CRB1: variants seen among roughly 807,000 people sequenced by gnomAD.
CRB1 encodes protein crumbs homolog 1.
A neutral mutation model predicts 120.0 loss-of-function variants in CRB1; 83 were observed. The observed-to-expected ratio is 0.69, with a 90% CI of 0.58 to 0.83. The LOEUF is 0.83. CRB1 is among the 40% of genes least tolerant of loss of function. CRB1 has a pLI of 0.00. For missense variants in CRB1, 1,699 were observed against 1,687.6 expected (o/e 1.01, Z -0.12); for synonymous variants, 625 against 612.5 (o/e 1.02, Z -0.30).
intron 11 of CRB1, among the ~76,000 whole-genome samples, chr1:197,475,014 G>A (rs573801984): frequency 5.4e-4 from 82 of 152,172 alleles, no homozygotes; most frequent in African/African-American, 1.9e-3. Context: ...CAAAAGCATG[G>A]CCACACAGTA....
chr1:197,460,001 C>CTTTTTTTTTTTTTTTTTTT (rs10679172), intron 11 of CRB1, among the ~76,000 whole-genome samples: 3 of 75,612 alleles, frequency 4.0e-5, no homozygotes, highest in Non-Finnish European at 5.0e-5. Flanking sequence ...AAGCCCCCCT[C>CTTTTTTTTTTTTTTTTTTT]TTTTTTTTTT....
the CRB1 span, among the ~76,000 whole-genome samples, chr1:197,229,513 T>G: frequency 6.6e-6 from 1 of 152,164 alleles, no homozygotes; most frequent in Admixed American, 6.5e-5. Flanking sequence ...CATGGGCATA[T>G]TGCGTGACAC....
intron 1 of CRB1, among the ~76,000 whole-genome samples, chr1:197,310,326 A>T (rs1349985045): frequency 6.6e-6 from 1 of 152,140 alleles, no homozygotes; most frequent in Non-Finnish European, 1.5e-5. Context: ...AGGCCTAGGA[A>T]CACATCGTCT....
At position 197,327,095 on chromosome 1, in the gene CRB1, A is replaced by AC. The variant is rs1462644288; in HGVS notation, c.71-1327_71-1326insC. 6.7e-5 allele frequency among the ~76,000 whole-genome samples: 3 copies of AC among 44,690 alleles called. 1 individual carries two copies. The highest frequency in any genetic ancestry group is 2.7e-4 in the Admixed American group (1 of 3,640). The allele number at this position is 44,690 out of a possible 152,430, so 29.3% of individuals were successfully genotyped here. ...AGTGACTTAATTCTCACACACCAAAAAAAAAAAAAAAAAAAAAAAAAAAAA... is the reference window on the plus strand; with the variant it reads ...AGTGACTTAATTCTCACACACCAAAACAAAAAAAAAAAAAAAAAAAAAAAAA... On this transcript the variant is annotated intron_variant, in intron 1 of 11. Transcript: ENST00000367400.
chr1:197,420,776 G>A (rs1442538231), intron 5 of CRB1, among the ~76,000 whole-genome samples: 2 of 152,124 alleles, frequency 1.3e-5, no homozygotes, highest in African/African-American at 2.4e-5. Context: ...TATTCCTAGA[G>A]GAAGAATACA....
chr1:197,429,207 T>C lies in CRB1; in HGVS notation c.2677-242T>C. On this transcript the variant is annotated intron_variant, in intron 7 of 11. Coordinates refer to ENST00000367400, the MANE Select transcript of CRB1 (RefSeq NM_201253.3). The stretch of plus-strand genomic sequence containing the variant: ...ACTGCTATACTTGAAAAACCCTCCT[T>C]GTGCTATGGATCAATTTTATATCTT... The C allele has an allele frequency of 2.0e-6, 3 of 1,498,884 alleles. No individual in the cohort carries two copies. In the Admixed American group the frequency reaches 6.4e-5, roughly 32 times the overall value. The allele number at this position is 1,498,884 out of a possible 1,614,324, so 92.8% of individuals were successfully genotyped here.
At chr1:197,248,314 C>T in the CRB1 span, among the ~76,000 whole-genome samples, 3 of 151,890 alleles carry the variant, frequency 2.0e-5, no homozygotes, top group African/African-American at 7.2e-5. Context: ...TTAGTGGAAG[C>T]GCTAAGGCTC....
At chr1:197,336,554 G>T (rs989882722) in intron 2 of CRB1, among the ~76,000 whole-genome samples, 1 of 152,150 alleles carries the variant, frequency 6.6e-6, no homozygotes, top group Non-Finnish European at 1.5e-5. Context: ...CTTTTGCTCA[G>T]AACTAGAGTC....
the CRB1 span, among the ~76,000 whole-genome samples, chr1:197,255,965 TTATATATATATATA>T: frequency 4.3e-4 from 37 of 85,340 alleles, 2 homozygotes; most frequent in Admixed American, 1.5e-3. Flanking sequence ...ATAGAACATT[TTATATATATATATA>T]TATATATATA....
At chr1:197,249,555 C>T in the CRB1 span, among the ~76,000 whole-genome samples, 2 of 151,666 alleles carry the variant, frequency 1.3e-5, no homozygotes, top group African/African-American at 2.4e-5. Context: ...TTAAAAGTAA[C>T]GAGAGGTCAT....
At chr1:197,426,074 C>A (rs941227562) in intron 6 of CRB1, among the ~76,000 whole-genome samples, 1 of 151,810 alleles carries the variant, frequency 6.6e-6, no homozygotes, top group Non-Finnish European at 1.5e-5. Flanking sequence ...TCCCACCTCA[C>A]CCAAAAATCT....
the CRB1 span, among the ~76,000 whole-genome samples, chr1:197,219,246 A>T: frequency 0.014 from 2,156 of 152,380 alleles, 50 homozygotes; most frequent in African/African-American, 0.046. Context: ...TCAAATACAT[A>T]AAGGTTTATC....
rs1336253157 is a variant in CRB1 at position 197,427,923 on chromosome 1, A to G, written c.2598A>G (p.Pro866=). ...ACAACCAAAATCTGGAATTCTTTCC[A>G]AATCCAACAAACAATGCATCTCTCA... ...RLNNQNLEFF[P]NPTNNASLNP... The change falls in exon 7 of 12, where the codon CCA becomes CCG. Residue 866 remains proline (P), a synonymous_variant. Transcript: ENST00000367400. 2.5e-6 allele frequency: 4 copies of G among 1,614,060 alleles called. No homozygotes were observed. The highest frequency in any genetic ancestry group is 1.7e-5 in the Admixed American group (1 of 59,996).
At chr1:197,301,827 G>A (rs1656879313) in intron 1 of CRB1, among the ~76,000 whole-genome samples, 1 of 152,058 alleles carries the variant, frequency 6.6e-6, no homozygotes, top group African/African-American at 2.4e-5. Context: ...ACCTGAAGAT[G>A]TGACTGAATA....
the CRB1 span, among the ~76,000 whole-genome samples, chr1:197,221,846 C>T: frequency 6.6e-6 from 1 of 152,082 alleles, no homozygotes; most frequent in Non-Finnish European, 1.5e-5. Flanking sequence ...TTTTCCTTGC[C>T]CTGCTCCTCC....
Position 197,419,356 on chromosome 1 carries a change from T to C in CRB1, c.1172-1644T>C, listed in dbSNP as rs976332971. ...ATTAATTAAAAAACTGTGTGTCAGATTGGATTCTTTTTTTTTTTTTTTTGA... is the reference window on the plus strand; with the variant it reads ...ATTAATTAAAAAACTGTGTGTCAGACTGGATTCTTTTTTTTTTTTTTTTGA... On this transcript the variant is annotated intron_variant, in intron 5 of 11. Transcript: ENST00000367400. Among the ~76,000 whole-genome samples the C allele has an allele frequency of 5.5e-5, 6 of 109,312 alleles. No individual in the cohort carries two copies. In the Admixed American group the frequency reaches 7.9e-4, roughly 14 times the overall value. The allele number at this position is 109,312 out of a possible 152,430, so 71.7% of individuals were successfully genotyped here. A position where few individuals can be genotyped will look rare whatever the true frequency, so the allele number is the denominator to read the frequency against.
intron 4 of CRB1, among the ~76,000 whole-genome samples, chr1:197,348,580 C>G (rs899609776): frequency 6.6e-6 from 1 of 152,118 alleles, no homozygotes; most frequent in African/African-American, 2.4e-5. Flanking sequence ...GGGTTCACAC[C>G]ATTTTCCTGC....
rs530273243 is a variant in CRB1 at position 197,476,365 on chromosome 1, T to TGA, written c.4006-1298_4006-1297insAG. On this transcript the variant is annotated intron_variant, in intron 11 of 11. Transcript: ENST00000367400. ...ATCTGTAATGTATTATGATTATTTGTGTGTGTGTGTGTGTGTGTGTGTGTG... is the reference window on the plus strand; with the variant it reads ...ATCTGTAATGTATTATGATTATTTGTGAGTGTGTGTGTGTGTGTGTGTGTGTG... 8.9e-4 allele frequency among the ~76,000 whole-genome samples: 51 copies of TGA among 57,220 alleles called. 1 individual carries two copies. The South Asian group carries it at 0.043, about 48-fold the overall frequency. 37.5% of individuals were successfully genotyped at this position (57,220 alleles called of 152,430 possible).
At chr1:197,344,232 C>A in intron 2 of CRB1, 49 bp from the exon 3 acceptor site, 1 of 1,562,626 alleles carries the variant, frequency 6.4e-7, no homozygotes, top group Non-Finnish European at 8.8e-7. Flanking sequence ...AAATTATGAA[C>A]ACTTTGCTAA....
Sources: allele counts gnomAD v4.1 joint callset (sites outside exome capture counted in the v4.1 genomes callset), GRCh38; gene constraint gnomAD v4.1.1; transcripts MANE v1.5; gene names NCBI Gene and HGNC (gene_info 2026-07-23, HGNC 2026-07-21).